The following ZNF875 variants were observed in gnomAD, a reference collection of about 807,000 sequenced individuals.
The protein encoded by ZNF875 is zinc finger protein 875.
Under a neutral mutation model 11.2 loss-of-function variants are expected in ZNF875, and 14 were observed. The ratio of observed to expected loss-of-function variants is 1.26; its 90% confidence interval spans 0.83 to 1.96. ZNF875 has a LOEUF of 1.96. Ranked by LOEUF, ZNF875 falls within the 30% of genes most tolerant of loss-of-function variation. The pLI is 0.00. For missense variants in ZNF875, 752 were observed against 760.4 expected, an observed-to-expected ratio of 0.99 and a Z score of 0.13; for synonymous variants, 301 against 281.1, an observed-to-expected ratio of 1.07 and a Z score of -0.71.
intron 4 of ZNF875, among the ~76,000 whole-genome samples, chr19:37,351,224 G>A (rs1449015796): frequency 6.6e-6 from 1 of 152,084 alleles, no homozygotes; most frequent in Non-Finnish European, 1.5e-5. Flanking sequence ...AGTTAAATTT[G>A]TTGGCATAAT....
chr19:37,348,439 T>C (rs2037244399), intron 4 of ZNF875, among the ~76,000 whole-genome samples: 1 of 152,220 alleles, frequency 6.6e-6, no homozygotes, highest in African/African-American at 2.4e-5. Context: ...GATTTGTAAT[T>C]CTCATGCATG....
intron 3 of ZNF875, chr19:37,323,608 C>G (rs1367121171): frequency 6.6e-6 from 1 of 152,168 alleles, no homozygotes; most frequent in Non-Finnish European, 1.5e-5. Flanking sequence ...CAAGAAAGGC[C>G]TAGCTGATGA....
exon 1 of ZNF875, chr19:37,318,028 C>A (rs1263790759): frequency 1.3e-5 from 2 of 156,082 alleles, no homozygotes; most frequent in African/African-American, 4.8e-5. Context: ...GGAGTCCTGG[C>A]CTTCAGCGTC....
chr19:37,322,945 A>T (rs911370422), intron 2 of ZNF875, among the ~76,000 whole-genome samples: 1 of 151,938 alleles, frequency 6.6e-6, no homozygotes, highest in Non-Finnish European at 1.5e-5. Flanking sequence ...CTCCACGAAA[A>T]TCTGGAGCTC....
intron 4 of ZNF875, among the ~76,000 whole-genome samples, chr19:37,356,933 T>C (rs747310905): frequency 7.9e-5 from 12 of 152,222 alleles, no homozygotes; most frequent in Non-Finnish European, 8.8e-5. Context: ...TTCCTAGTTT[T>C]CCTTTAGGAA....
chr19:37,353,657 G>C (rs1046560751), intron 4 of ZNF875, among the ~76,000 whole-genome samples: 2 of 152,136 alleles, frequency 1.3e-5, no homozygotes, highest in Admixed American at 6.6e-5. Flanking sequence ...TCCAGTTTGC[G>C]AAAATTAACT....
In ZNF875 at chr19:37,363,681, A is replaced by G. The variant is rs373792167; in HGVS notation, c.1829A>G (p.His610Arg). Residue 610 changes from histidine (H) to arginine (R), a missense_variant, in exon 5 of 5, where the codon CAT becomes CGT. Coordinates refer to ENST00000392153, the MANE Select transcript of ZNF875 (RefSeq NM_001353803.2). ...CACCTCATTAGACACCAGAGGACAC[A>G]TTCAGGAGAGAAGCCTTATATTTGC... is the stretch of plus-strand genomic sequence containing the variant. ...QSHLIRHQRTHSGEKPYICRK... is the reference protein window; with the variant it reads ...QSHLIRHQRTRSGEKPYICRK... 12 of 1,613,324 alleles carry G rather than the reference A, an allele frequency of 7.4e-6. No individual in the cohort carries two copies. The highest frequency in any genetic ancestry group is 5.5e-5 in the South Asian group (5 of 90,978).
At chr19:37,344,248 C>A (rs1053030024) in intron 2 of ZNF875, among the ~76,000 whole-genome samples, 8 of 152,164 alleles carry the variant, frequency 5.3e-5, no homozygotes, top group African/African-American at 1.7e-4. Context: ...GTGCTTTTAG[C>A]CACTGAGTAG....
chr19:37,330,271 A>G (rs1488453161), upstream of ZNF875, among the ~76,000 whole-genome samples: 1 of 152,146 alleles, frequency 6.6e-6, no homozygotes, highest in Non-Finnish European at 1.5e-5. Context: ...GGTGATGAGA[A>G]TGGTGTTTAT....
At chr19:37,349,541 C>T (rs567424203) in intron 4 of ZNF875, among the ~76,000 whole-genome samples, 2 of 152,184 alleles carry the variant, frequency 1.3e-5, no homozygotes, top group African/African-American at 4.8e-5. Context: ...TTCTGTGAAG[C>T]CTTTTCAATT....
intron 4 of ZNF875, chr19:37,358,104 G>A (rs2039229857): frequency 1.5e-5 from 5 of 342,170 alleles, no homozygotes; most frequent in Non-Finnish European, 2.6e-5. Flanking sequence ...GATTTTATCC[G>A]ATGCTTTTTT....
At chr19:37,326,665 T>C (rs1456812081) in intron 4 of ZNF875, among the ~76,000 whole-genome samples, 1 of 23,502 alleles carries the variant, frequency 4.3e-5, no homozygotes, top group African/African-American at 1.3e-4. Context: ...ATTAGAAAGC[T>C]TTTTTTTTTT....
chr19:37,348,000 A>G (rs894357349), intron 4 of ZNF875, 128 bp downstream of exon 4: 7 of 620,620 alleles, frequency 1.1e-5, no homozygotes, highest in African/African-American at 7.4e-5. Context: ...GTTGCCTGAC[A>G]TGGTCTTCTT....
At chr19:37,338,856 A>G (rs1463199209) in intron 2 of ZNF875, among the ~76,000 whole-genome samples, 2 of 152,208 alleles carry the variant, frequency 1.3e-5, no homozygotes, top group African/African-American at 4.8e-5. Context: ...TACTCTTGAT[A>G]TGCATGGCAT....
chr19:37,327,930 TGTTAGAGTTGC>T (rs999834206), intron 4 of ZNF875, among the ~76,000 whole-genome samples: 1 of 151,984 alleles, frequency 6.6e-6, no homozygotes, highest in African/African-American at 2.4e-5. Context: ...GGGAACACAA[TGTTAGAGTTGC>T]AGTGAGAAGG....
rs144017676 is a variant in ZNF875 at position 37,363,337 on chromosome 19, G to A, written c.1485G>A (p.Thr495=). The A allele has an allele frequency of 2.1e-4, 335 of 1,605,220 alleles. No homozygotes were observed. Among genetic ancestry groups the A allele is most frequent in the Non-Finnish European group, 2.6e-4 (305 of 1,176,052 alleles). ...TTACCCGGAAATCAACCCTGAGCACGCACCAGAGGACACACTCAGGGGAGA... is the reference window on the plus strand; with the variant it reads ...TTACCCGGAAATCAACCCTGAGCACACACCAGAGGACACACTCAGGGGAGA... ...RGFTRKSTLS[T]HQRTHSGEKP... Residue 495 remains threonine (T), a synonymous_variant, in exon 5 of 5, where the codon ACG becomes ACA. Coordinates refer to ENST00000392153, the MANE Select transcript of ZNF875 (RefSeq NM_001353803.2).
At chr19:37,341,438 G>A (rs989794723) in intron 2 of ZNF875, among the ~76,000 whole-genome samples, 1 of 152,114 alleles carries the variant, frequency 6.6e-6, no homozygotes, top group African/African-American at 2.4e-5. Context: ...TTTCTTCTTG[G>A]TTCTCTTCCA....
intron 4 of ZNF875, among the ~76,000 whole-genome samples, chr19:37,358,887 A>G (rs547186502): frequency 6.6e-6 from 1 of 151,456 alleles, no homozygotes; most frequent in Non-Finnish European, 1.5e-5. Flanking sequence ...TATTGTATGT[A>G]TACAGTTCAA....
At chr19:37,313,816 G>A (rs2030065900), upstream of ZNF875, among the ~76,000 whole-genome samples, 1 of 152,072 alleles carries the variant, frequency 6.6e-6, no homozygotes, top group African/African-American at 2.4e-5. Flanking sequence ...AGGCAATGCA[G>A]TTTTTCAATG....
Sources: allele counts gnomAD v4.1 joint callset (sites outside exome capture counted in the v4.1 genomes callset), GRCh38; gene constraint gnomAD v4.1.1; transcripts MANE v1.5; gene names NCBI Gene and HGNC (gene_info 2026-07-23, HGNC 2026-07-21).